TRIO: variants seen among roughly 807,000 people sequenced by gnomAD.
TRIO encodes the protein triple functional domain protein.
Under a neutral mutation model 351.9 loss-of-function variants are expected in TRIO, and 58 were observed. The ratio of observed to expected loss-of-function variants is 0.16; its 90% confidence interval spans 0.13 to 0.21. The LOEUF (loss-of-function observed/expected upper bound fraction) is 0.21. Ranked by LOEUF, TRIO falls within the 10% of genes least tolerant of loss-of-function variation. TRIO has a pLI of 1.00. For missense variants in TRIO, 3,201 were observed against 4,027.8 expected (o/e 0.79, Z 5.56); for synonymous variants, 1,758 against 1,595.7 (o/e 1.10, Z -2.42).
chr5:14,261,687 G>A (rs1461818680), intron 1 of TRIO, among the ~76,000 whole-genome samples: 2 of 152,202 alleles, frequency 1.3e-5, no homozygotes, highest in South Asian at 4.1e-4. Context: ...CTGAAGGCTT[G>A]CGTTTCCTTT....
At chr5:14,261,494 G>A (rs1434153536) in intron 1 of TRIO, among the ~76,000 whole-genome samples, 1 of 152,206 alleles carries the variant, frequency 6.6e-6, no homozygotes, top group African/African-American at 2.4e-5. Flanking sequence ...GAACAAAGGC[G>A]GATGCTCAGC....
intron 48 of TRIO, among the ~76,000 whole-genome samples, chr5:14,491,567 A>G (rs777003042): frequency 1.3e-5 from 2 of 152,178 alleles, no homozygotes; most frequent in Admixed American, 6.5e-5. Context: ...CACGCGCTAG[A>G]TGAGAGTGGG....
Position 14,485,110 on chromosome 5 carries a change from C to T in TRIO, c.6699C>T (p.Pro2233=). The change falls in exon 47 of 57, where the codon CCC becomes CCT. Residue 2233 remains proline (P), a synonymous_variant. Coordinates refer to ENST00000344204, the MANE Select transcript of TRIO (RefSeq NM_007118.4). ...LCLEENVEND[P]CKFALTSRTG... Reference sequence around the variant, plus strand: ...TGGAGGAAAATGTGGAAAATGATCCCTGTAAATTTGCTCTGACATCGAGGA... The same window carrying T: ...TGGAGGAAAATGTGGAAAATGATCCTTGTAAATTTGCTCTGACATCGAGGA... 1.3e-6 allele frequency: 2 copies of T among 1,575,300 alleles called. No individual in the cohort carries two copies. Among genetic ancestry groups the T allele is most frequent in the Non-Finnish European group, 1.7e-6 (2 of 1,153,386 alleles).
chr5:14,223,643 G>T (rs1008120508), intron 1 of TRIO, among the ~76,000 whole-genome samples: 1 of 152,180 alleles, frequency 6.6e-6, no homozygotes, highest in African/African-American at 2.4e-5. Context: ...AGTGAGATTT[G>T]CGAGAACAAG....
chr5:14,183,117 G>A (rs900534207), intron 1 of TRIO, among the ~76,000 whole-genome samples: 1 of 152,132 alleles, frequency 6.6e-6, no homozygotes, highest in African/African-American at 2.4e-5. Flanking sequence ...TCAGAAGGAT[G>A]CCTGTTCCTT....
At chr5:14,258,320 C>T (rs1180068379) in intron 1 of TRIO, among the ~76,000 whole-genome samples, 1 of 152,222 alleles carries the variant, frequency 6.6e-6, no homozygotes, top group Non-Finnish European at 1.5e-5. Context: ...AGCAGGCACC[C>T]TGAGGTCTCC....
chr5:14,316,024 T>C (rs757375889), intron 8 of TRIO, among the ~76,000 whole-genome samples: 3 of 152,216 alleles, frequency 2.0e-5, no homozygotes, highest in Non-Finnish European at 4.4e-5. Flanking sequence ...TAGTGCTAGA[T>C]TGATTTTTTT....
rs1440499859 is a variant in TRIO at position 14,509,887 on chromosome 5, T to C, written c.*1465T>C. The C allele has an allele frequency of 6.5e-6, 1 of 153,172 alleles. No individual in the cohort carries two copies. Among genetic ancestry groups the C allele is most frequent in the African/African-American group, 2.4e-5 (1 of 41,472 alleles). 9.5% of individuals were successfully genotyped at this position (153,172 alleles called of 1,614,324 possible). On this transcript the variant is annotated 3_prime_UTR_variant, in exon 57 of 57. Transcript: ENST00000344204. ...CCAAGCCAGCCAGACACCTGGGTCT[T>C]GAGCCATAAACTGGCGTAGTTAAGC...
chr5:14,241,217 T>C (rs1794105965), intron 1 of TRIO, among the ~76,000 whole-genome samples: 1 of 152,200 alleles, frequency 6.6e-6, no homozygotes, highest in African/African-American at 2.4e-5. Context: ...ACTACAAGTA[T>C]AGACATTTTG....
intron 48 of TRIO, chr5:14,490,723 A>G (rs571022123): frequency 6.9e-5 from 31 of 451,096 alleles, no homozygotes; most frequent in African/African-American, 4.6e-4. Flanking sequence ...TACATAGGAG[A>G]TGCCCAGAAA....
chr5:14,212,452 A>T lies in TRIO; in HGVS notation c.158-58373A>T, dbSNP rs1167300451. ...CCACCCCAACTCTCCCTCCAGACTC[A>T]CATACCTGCTCAAACGTGCAGATGC... On this transcript the variant is annotated intron_variant, in intron 1 of 56. Transcript: ENST00000344204. Among the ~76,000 whole-genome samples the T allele has an allele frequency of 3.3e-5, 5 of 152,164 alleles. No individual in the cohort carries two copies. In the East Asian group the frequency reaches 7.7e-4, roughly 23 times the overall value.
chr5:14,390,167 A>G (rs2152363733), intron 25 of TRIO, 64 bp from the exon 26 acceptor site: 2 of 1,469,634 alleles, frequency 1.4e-6, no homozygotes, highest in Middle Eastern at 1.9e-4. Context: ...AGTTTCTGGC[A>G]TATCTCACTA....
At chr5:14,390,790 C>A in intron 26 of TRIO, 111 bp from the exon 27 acceptor site, 1 of 826,412 alleles carries the variant, frequency 1.2e-6, no homozygotes, top group Non-Finnish European at 1.8e-6. Context: ...AGAGTCTCTT[C>A]AACTCGAGGC....
rs552068903 is a variant in TRIO, at chr5:14,463,396, T to G, written c.5667+471T>G. Among the ~76,000 whole-genome samples, 8 of 152,284 alleles carry G rather than the reference T, an allele frequency of 5.3e-5. 1 individual carries two copies. Among genetic ancestry groups the G allele is most frequent in the African/African-American group, 1.9e-4 (8 of 41,570 alleles). ...GTTACTTTTTCCAACATGCCAGACATTAGTTTGTAGGATCCCTACGCTAGA... is the reference window on the plus strand; with the variant it reads ...GTTACTTTTTCCAACATGCCAGACAGTAGTTTGTAGGATCCCTACGCTAGA... On this transcript the variant is annotated intron_variant, in intron 36 of 56. Coordinates refer to ENST00000344204, the MANE Select transcript of TRIO (RefSeq NM_007118.4).
intron 1 of TRIO, among the ~76,000 whole-genome samples, chr5:14,184,952 A>G (rs575063143): frequency 1.1e-4 from 16 of 152,274 alleles, no homozygotes; most frequent in African/African-American, 3.6e-4. Context: ...GGAGCAGCAT[A>G]CTTGGTGCCA....
In TRIO at chr5:14,403,376, G is replaced by T. The variant is rs573720477; in HGVS notation, c.4716+2312G>T. Among the ~76,000 whole-genome samples the T allele has an allele frequency of 5.9e-4, 57 of 96,222 alleles. 3 individuals carry two copies. Among genetic ancestry groups the T allele is most frequent in the Admixed American group, 9.4e-4 (9 of 9,566 alleles). The allele number at this position is 96,222 out of a possible 152,430, so 63.1% of individuals were successfully genotyped here. On this transcript the variant is annotated intron_variant, in intron 31 of 56. Coordinates refer to ENST00000344204, the MANE Select transcript of TRIO (RefSeq NM_007118.4). ...TGTGAGGGTGCAGGTTGTGGTGAGG[G>T]TGTAGGTTGTGAGGGTGTAGGTTGT...
At chr5:14,412,350 C>T (rs1174266390) in intron 33 of TRIO, among the ~76,000 whole-genome samples, 1 of 152,228 alleles carries the variant, frequency 6.6e-6, no homozygotes, top group Non-Finnish European at 1.5e-5. Flanking sequence ...TGACGTTCTA[C>T]ACTCCAGGAA....
intron 16 of TRIO, among the ~76,000 whole-genome samples, chr5:14,367,295 C>A (rs1253886458): frequency 6.6e-6 from 1 of 152,170 alleles, no homozygotes. Context: ...TTTCTCTCAT[C>A]TGGAATGGCT....
rs1198727726 is a variant in TRIO at position 14,349,142 on chromosome 5, CGT to C, written c.2047-9033_2047-9032del. On this transcript the variant is annotated intron_variant, in intron 11 of 56. Transcript: ENST00000344204. ...CATGCACATGAGCATGTTTTTCCTG[CGT>C]GTTTGTGGGTGTGTATGCACGTGAG... Among the ~76,000 whole-genome samples the C allele has an allele frequency of 3.0e-5, 4 of 132,792 alleles. No homozygotes were observed. The Admixed American group carries it at 3.1e-4, about 10-fold the overall frequency. 87.1% of individuals were successfully genotyped at this position (132,792 alleles called of 152,430 possible). A position where few individuals can be genotyped will look rare whatever the true frequency, so the allele number is the denominator to read the frequency against.
Sources: allele counts gnomAD v4.1 joint callset (sites outside exome capture counted in the v4.1 genomes callset), GRCh38; gene constraint gnomAD v4.1.1; transcripts MANE v1.5; gene names NCBI Gene and HGNC (gene_info 2026-07-23, HGNC 2026-07-21).